HEXA: variants seen among roughly 807,000 people sequenced by gnomAD.
HEXA encodes the protein hexosaminidase subunit alpha.
In HEXA, 54 loss-of-function variants were observed where a neutral mutation model predicts 73.3. The observed-to-expected ratio is 0.74, with a 90% CI of 0.59 to 0.92. The LOEUF (loss-of-function observed/expected upper bound fraction) is 0.92. Among genes scored for constraint, HEXA ranks in the 40% least tolerant of loss-of-function variants. The pLI is 0.00. For synonymous variants in HEXA, 230 were observed against 246.9 expected, an observed-to-expected ratio of 0.93 and a Z score of 0.64; for missense variants, 649 against 653.0, an observed-to-expected ratio of 0.99 and a Z score of 0.07.
Position 72,351,398 on chromosome 15 carries a change from A to C in HEXA, c.571-164T>G, listed in dbSNP as rs1274584552. ...ATGGGGTCTATCAAACCTTCCCATCAGGGAGGGATGGCATGGAGGGAAGGC... is the reference window on the plus strand; with the variant it reads ...ATGGGGTCTATCAAACCTTCCCATCCGGGAGGGATGGCATGGAGGGAAGGC... On this transcript the variant is annotated intron_variant, in intron 5 of 13. Transcript: ENST00000268097. 4 of 682,562 alleles carry C rather than the reference A, an allele frequency of 5.9e-6. No homozygotes were observed. In the African/African-American group the frequency reaches 7.0e-5, roughly 12 times the overall value. 42.3% of individuals were successfully genotyped at this position (682,562 alleles called of 1,614,324 possible).
chr15:72,358,077 C>T (rs1374496781), intron 1 of HEXA: 2 of 152,242 alleles, frequency 1.3e-5, no homozygotes, highest in African/African-American at 4.8e-5. Flanking sequence ...GCAGGGCCAT[C>T]CAAGCAGACA....
chr15:72,344,787 C>T (rs1467747825), intron 13 of HEXA, among the ~76,000 whole-genome samples: 1 of 152,178 alleles, frequency 6.6e-6, no homozygotes, highest in Non-Finnish European at 1.5e-5. Flanking sequence ...CTATGTCCCC[C>T]AAGTACTCAA....
chr15:72,370,501 G>C (rs371506171), intron 1 of HEXA: 1 of 395,448 alleles, frequency 2.5e-6, no homozygotes, highest in African/African-American at 2.1e-5. Flanking sequence ...GACCAGCCTG[G>C]GCAACACAGT....
At position 72,346,633 on chromosome 15, in the gene HEXA, G is replaced by C; in HGVS notation, c.1224C>G (p.Thr408=). The C allele has an allele frequency of 6.2e-7, 1 of 1,614,024 alleles. No individual in the cohort carries two copies. The highest frequency in any genetic ancestry group is 8.5e-7 in the Non-Finnish European group (1 of 1,179,964). Residue 408 remains threonine (T), a synonymous_variant, in exon 11 of 14, where the codon ACC becomes ACG. Transcript: ENST00000268097. ...AGAGAAGGGCCCGGAAGCCGGCCTT[G>C]GTGACCAGTTCCAGCTCCTTCATAT... ...VNYMKELELV[T]KAGFRALLSA...
chr15:72,369,691 C>A (rs2088963511), intron 1 of HEXA, among the ~76,000 whole-genome samples: 1 of 152,150 alleles, frequency 6.6e-6, no homozygotes, highest in Non-Finnish European at 1.5e-5. Context: ...GCATGAGACA[C>A]CATGCCCAGC....
intron 1 of HEXA, among the ~76,000 whole-genome samples, chr15:72,371,394 C>T (rs986676539): frequency 8.6e-5 from 13 of 151,916 alleles, no homozygotes; most frequent in African/African-American, 3.1e-4. Context: ...AGTGGTTGAG[C>T]CCAGGGGTTC....
At chr15:72,344,219 T>C in intron 13 of HEXA, 79 bp from the exon 14 acceptor site, 7 of 961,046 alleles carry the variant, frequency 7.3e-6, no homozygotes, top group Non-Finnish European at 1.2e-5. Flanking sequence ...CAGTCAACAG[T>C]CTCTCCTTCC....
chr15:72,363,271 TGAG>T (rs1327445657), intron 1 of HEXA, among the ~76,000 whole-genome samples: 1 of 152,168 alleles, frequency 6.6e-6, no homozygotes, highest in East Asian at 1.9e-4. Context: ...TCCCTGCCCT[TGAG>T]GAGATCACAG....
chr15:72,368,958 AAAG>A (rs770980554), intron 1 of HEXA, among the ~76,000 whole-genome samples: 11 of 152,352 alleles, frequency 7.2e-5, no homozygotes, highest in Middle Eastern at 3.4e-3. Context: ...GAGCTTTACA[AAAG>A]AAGGGGAAGG....
At chr15:72,355,834 T>C in intron 2 of HEXA, 1 of 611,348 alleles carries the variant, frequency 1.6e-6, no homozygotes, top group Non-Finnish European at 3.0e-6. Context: ...GTCACCACAG[T>C]GACTCTGTAG....
In HEXA at chr15:72,355,898, A is replaced by G. The variant is rs919569408; in HGVS notation, c.347-274T>C. 4 of 545,340 alleles carry G rather than the reference A, an allele frequency of 7.3e-6. No individual in the cohort carries two copies. In the African/African-American group the frequency reaches 7.5e-5, roughly 10 times the overall value. The allele number at this position is 545,340 out of a possible 1,614,324, so 33.8% of individuals were successfully genotyped here. ...CAGGCTGGAGTGGAGGTCTGTACAA[A>G]GCACCACCTACCTCATGGGTCAGTT... is the stretch of plus-strand genomic sequence containing the variant. On this transcript the variant is annotated intron_variant, in intron 2 of 13. Coordinates refer to ENST00000268097, the MANE Select transcript of HEXA (RefSeq NM_000520.6).
At chr15:72,346,054 C>T (rs1237058068) in intron 12 of HEXA, 181 bp downstream of exon 12, 10 of 634,974 alleles carry the variant, frequency 1.6e-5, no homozygotes, top group Admixed American at 2.5e-5. Context: ...GGGATATAGA[C>T]GGAAGTCATG....
intron 1 of HEXA, among the ~76,000 whole-genome samples, chr15:72,373,116 G>A (rs2089014949): frequency 6.6e-6 from 1 of 152,172 alleles, no homozygotes; most frequent in Admixed American, 6.5e-5. Flanking sequence ...AGGTGACTAA[G>A]CAAGATTCTG....
Position 72,375,085 on chromosome 15 carries a change from T to TGG in HEXA, c.253+633_253+634dup, listed in dbSNP as rs58016062. On this transcript the variant is annotated intron_variant, in intron 1 of 13. Transcript: ENST00000268097. The stretch of plus-strand genomic sequence containing the variant: ...TTTTTTTGTTTTGTTTTGTTTTGTT[T>TGG]GGGGGGGGGGGTTGTTTTTCTGAGA... 3.0e-3 allele frequency among the ~76,000 whole-genome samples: 405 copies of TGG among 137,174 alleles called. 2 individuals are homozygous for TGG. The highest frequency in any genetic ancestry group is 9.6e-3 in the African/African-American group (362 of 37,610). The allele number at this position is 137,174 out of a possible 152,430, so 90.0% of individuals were successfully genotyped here.
chr15:72,347,853 G>T lies in HEXA; in HGVS notation c.1074-95C>A. 4 of 1,207,016 alleles carry T rather than the reference G, an allele frequency of 3.3e-6. No individual in the cohort carries two copies. The South Asian group carries it at 3.7e-5, about 11-fold the overall frequency. 74.8% of individuals were successfully genotyped at this position (1,207,016 alleles called of 1,614,324 possible). ...GCTCTAGGGGTTGAGCCTGGCCAGG[G>T]GCCTATTCCTCATTAAGCAGTGTCT... is the stretch of plus-strand genomic sequence containing the variant. On this transcript the variant is annotated intron_variant, in intron 9 of 13. Coordinates refer to ENST00000268097, the MANE Select transcript of HEXA (RefSeq NM_000520.6).
intron 13 of HEXA, 59 bp downstream of exon 13, chr15:72,345,387 G>A: frequency 1.2e-6 from 2 of 1,609,880 alleles, no homozygotes; most frequent in Non-Finnish European, 8.5e-7. Context: ...CTCTCTAAGG[G>A]GTTCCCCAGC....
At chr15:72,370,603 G>A (rs1486001620) in intron 1 of HEXA, 7 of 397,804 alleles carry the variant, frequency 1.8e-5, no homozygotes, top group African/African-American at 6.2e-5. Context: ...TCAGTGAGGC[G>A]GGAAGACTGC....
chr15:72,353,792 C>G lies in HEXA; in HGVS notation c.413-55G>C, dbSNP rs1010577947. The G allele has an allele frequency of 5.5e-6, 7 of 1,283,374 alleles. No individual in the cohort carries two copies. In the South Asian group the frequency reaches 7.1e-5, roughly 13 times the overall value. The allele number at this position is 1,283,374 out of a possible 1,614,324, so 79.5% of individuals were successfully genotyped here. A position where few individuals can be genotyped will look rare whatever the true frequency, so the allele number is the denominator to read the frequency against. On this transcript the variant is annotated intron_variant, in intron 3 of 13. Transcript: ENST00000268097. ...ACTCAGGGAGTGGAAAAAGAGATGT[C>G]TCTATTTGGAAGGTTCTCAATGTAG...
intron 1 of HEXA, among the ~76,000 whole-genome samples, chr15:72,375,291 T>G (rs1028550940): frequency 6.6e-6 from 1 of 152,184 alleles, no homozygotes; most frequent in Non-Finnish European, 1.5e-5. Flanking sequence ...GGTTTCACTA[T>G]GTTGGCCGGG....
Sources: gnomAD v4.1 joint callset for allele counts (sites outside exome capture counted in the v4.1 genomes callset) on GRCh38, gnomAD v4.1.1 for gene constraint, MANE v1.5 for transcripts, NCBI Gene and HGNC (gene_info 2026-07-23, HGNC 2026-07-21) for gene names.